Variants in AMZ1 observed in about 807,000 individuals in gnomAD.
AMZ1 encodes archaelysin family metallopeptidase 1.
A neutral mutation model predicts 29.9 loss-of-function variants in AMZ1; 39 were observed. The observed-to-expected ratio is 1.30, with a 90% CI of 1.01 to 1.70. AMZ1 has a LOEUF of 1.70. Among genes scored for constraint, AMZ1 ranks in the 40% most tolerant of loss-of-function variants. The probability of loss-of-function intolerance (pLI) is 0.00; values close to 1 mark genes in which losing one functional copy is unlikely to be tolerated. For missense variants in AMZ1, 1,041 were observed against 680.6 expected (o/e 1.53, Z -5.89); for synonymous variants, 458 against 304.0 (o/e 1.51, Z -5.27).
In AMZ1 at chr7:2,724,912, C is replaced by T. The variant is rs538560494; in HGVS notation, n.550+15096C>T. On this transcript the variant is annotated intron_variant and non_coding_transcript_variant, in intron 4 of 4. Coordinates refer to the AMZ1 transcript ENST00000489665. The stretch of plus-strand genomic sequence containing the variant: ...GAGCGATTCTCGTCCCCGCCACACC[C>T]GGATCCGCCAGGACAGAGAAGCCGG... Among the ~76,000 whole-genome samples the T allele has an allele frequency of 4.2e-3, 646 of 152,336 alleles. 7 individuals are homozygous for T. The highest frequency in any genetic ancestry group is 0.015 in the African/African-American group (617 of 41,570).
At chr7:2,735,719 A>G (rs1790136600) in intron 4 of AMZ1, among the ~76,000 whole-genome samples, 1 of 152,148 alleles carries the variant, frequency 6.6e-6, no homozygotes, top group Admixed American at 6.5e-5. Flanking sequence ...ATGCAGGAAA[A>G]CTTATCTGTG....
At chr7:2,749,884 A>G (rs79538422) in intron 4 of AMZ1, among the ~76,000 whole-genome samples, 2 of 152,172 alleles carry the variant, frequency 1.3e-5, no homozygotes, top group African/African-American at 4.8e-5. Context: ...AAAAAAGATA[A>G]AGAATGAGGT....
intron 4 of AMZ1, among the ~76,000 whole-genome samples, chr7:2,737,289 G>GTTTTTTTTTTTTT (rs11389467): frequency 2.4e-4 from 15 of 62,278 alleles, no homozygotes; most frequent in African/African-American, 5.5e-4. Context: ...TTTTTTTTTT[G>GTTTTTTTTTTTTT]TTTTTTTTTT....
At chr7:2,683,586 T>C (rs531169428), upstream of AMZ1, among the ~76,000 whole-genome samples, 16 of 152,190 alleles carry the variant, frequency 1.1e-4, no homozygotes, top group South Asian at 1.7e-3. Context: ...TACAGGTGCC[T>C]GCCACCACGC....
At chr7:2,725,987 C>A (rs140035335) in intron 4 of AMZ1, among the ~76,000 whole-genome samples, 208 of 152,340 alleles carry the variant, frequency 1.4e-3, no homozygotes, top group African/African-American at 4.7e-3. Flanking sequence ...CAAGGAAACA[C>A]CAGGATCCCA....
Position 2,743,550 on chromosome 7 carries a change from T to A in AMZ1, n.551-21162T>A, listed in dbSNP as rs144704575. On this transcript the variant is annotated intron_variant and non_coding_transcript_variant, in intron 4 of 4. Transcript: ENST00000489665. Reference sequence around the variant, plus strand: ...AAGATACACAAAATCTTATCAGAGGTCAGGGAGGATCCAAGATGGCCGAAT... The same window carrying A: ...AAGATACACAAAATCTTATCAGAGGACAGGGAGGATCCAAGATGGCCGAAT... Among the ~76,000 whole-genome samples, 696 of 152,098 alleles carry A rather than the reference T, an allele frequency of 4.6e-3. 8 individuals are homozygous for A. The highest frequency in any genetic ancestry group is 0.016 in the African/African-American group (656 of 41,472).
upstream of AMZ1, among the ~76,000 whole-genome samples, chr7:2,763,868 G>A (rs1368696695): frequency 6.6e-6 from 1 of 152,222 alleles, no homozygotes. Flanking sequence ...GGCAGAGAGC[G>A]AGGGAGACGG....
chr7:2,709,657 C>G lies in AMZ1; in HGVS notation c.789C>G (p.Leu263=). ...VQCCKVTCHE[L]CHLLGLGNCR... Reference sequence around the variant, plus strand: ...CCCCCCAGGTCACGTGCCACGAGCTCTGCCACCTTCTGGGCCTGGGGAACT... The same window carrying G: ...CCCCCCAGGTCACGTGCCACGAGCTGTGCCACCTTCTGGGCCTGGGGAACT... The change falls in exon 6 of 7, where the codon CTC becomes CTG. Residue 263 remains leucine, a synonymous_variant. Coordinates refer to ENST00000683327, the MANE Select transcript of AMZ1 (RefSeq NM_001384743.1). 1 of 1,609,804 alleles carries G rather than the reference C, an allele frequency of 6.2e-7. No individual in the cohort carries two copies. The highest frequency in any genetic ancestry group is 1.3e-5 in the African/African-American group (1 of 74,950).
In AMZ1 at chr7:2,712,608, G is replaced by T. The variant is rs1390762153; in HGVS notation, c.1227G>T (p.Arg409=). 2 of 1,612,708 alleles carry T rather than the reference G, an allele frequency of 1.2e-6. No individual in the cohort carries two copies. The highest frequency in any genetic ancestry group is 8.5e-7 in the Non-Finnish European group (1 of 1,179,810). The change falls in exon 7 of 7, where the codon CGG becomes CGT. Residue 409 remains arginine (R), a synonymous_variant. Coordinates refer to ENST00000683327, the MANE Select transcript of AMZ1 (RefSeq NM_001384743.1). ...CGGAGGCCATCAAGGAGCATGAACG[G>T]TGGCTGGCCATGTGCATCCAGGCCC... ...GPAEAIKEHE[R]WLAMCIQALQ...
chr7:2,725,538 G>A (rs1789582891), intron 4 of AMZ1, among the ~76,000 whole-genome samples: 1 of 152,250 alleles, frequency 6.6e-6, no homozygotes, highest in African/African-American at 2.4e-5. Context: ...AGCAGCAAGT[G>A]AATGAGAAGC....
At chr7:2,704,347 A>G (rs1421034522) in intron 3 of AMZ1, among the ~76,000 whole-genome samples, 1 of 152,182 alleles carries the variant, frequency 6.6e-6, no homozygotes, top group East Asian at 1.9e-4. Context: ...TGCAAAAAAT[A>G]TAAAAATAGC....
At position 2,731,048 on chromosome 7, in the gene AMZ1, A is replaced by T; in HGVS notation, n.550+21232A>T. 3.2e-6 allele frequency: 2 copies of T among 618,534 alleles called. No homozygotes were observed. The highest frequency in any genetic ancestry group is 5.6e-6 in the Non-Finnish European group (2 of 355,028). 38.3% of individuals were successfully genotyped at this position (618,534 alleles called of 1,614,324 possible). On this transcript the variant is annotated intron_variant and non_coding_transcript_variant, in intron 4 of 4. Transcript: ENST00000489665. This position sits in a 1 kb window ranked among gnomAD's most constrained non-coding sequence, Gnocchi z 6.0. ...CTCGCTGGCTGGCTGGTCTGACAGC[A>T]TTCCTGAGCCAGGTATTCCAGGGCA... is the stretch of plus-strand genomic sequence containing the variant.
At chr7:2,733,193 A>C (rs1789987188) in intron 4 of AMZ1, among the ~76,000 whole-genome samples, 1 of 152,198 alleles carries the variant, frequency 6.6e-6, no homozygotes, top group Admixed American at 6.5e-5. Context: ...AGATAAAGGA[A>C]GTCCTCCTTT....
intron 4 of AMZ1, among the ~76,000 whole-genome samples, chr7:2,751,797 C>T (rs1331540224): frequency 1.3e-5 from 2 of 152,176 alleles, no homozygotes; most frequent in Non-Finnish European, 2.9e-5. Flanking sequence ...AATTTAATTT[C>T]CCAAAACGGA....
intron 4 of AMZ1, among the ~76,000 whole-genome samples, chr7:2,742,868 G>T (rs1416234261): frequency 6.6e-6 from 1 of 152,168 alleles, no homozygotes; most frequent in Non-Finnish European, 1.5e-5. Flanking sequence ...ACTGATTTCT[G>T]TATATTGGCT....
Position 2,696,299 on chromosome 7 carries a change from C to T in AMZ1, c.-218-3935C>T, listed in dbSNP as rs370484252. 1.3e-4 allele frequency among the ~76,000 whole-genome samples: 20 copies of T among 149,240 alleles called. No individual in the cohort carries two copies. In the East Asian group the frequency reaches 3.1e-3, roughly 23 times the overall value. The stretch of plus-strand genomic sequence containing the variant: ...TGAGATGGAGTCTCGCTCTGTCACC[C>T]AGGCTGGAGTGCAGTGGTGCGATCT... On this transcript the variant is annotated intron_variant, in intron 1 of 6. Coordinates refer to ENST00000683327, the MANE Select transcript of AMZ1 (RefSeq NM_001384743.1).
chr7:2,751,114 C>T (rs968657977), intron 4 of AMZ1, among the ~76,000 whole-genome samples: 5 of 152,014 alleles, frequency 3.3e-5, no homozygotes, highest in Non-Finnish European at 5.9e-5. Flanking sequence ...AGGGCCGGGC[C>T]CGGGGGCACA....
intron 4 of AMZ1, among the ~76,000 whole-genome samples, chr7:2,726,407 G>T (rs115576782): frequency 0.021 from 3,137 of 152,204 alleles, 128 homozygotes; most frequent in African/African-American, 0.072. Context: ...CATCAGAACC[G>T]CCTGGGACAT....
chr7:2,716,777 C>T lies in AMZ1; in HGVS notation c.*3899C>T, dbSNP rs557885962. 2.4e-4 allele frequency among the ~76,000 whole-genome samples: 37 copies of T among 152,316 alleles called. No individual in the cohort carries two copies. Among genetic ancestry groups the T allele is most frequent in the Non-Finnish European group, 1.5e-5 (1 of 68,030 alleles). ...CAACTCCACCGCTTAAGGGGTCCTT[C>T]CTATGTAACGGAATTTTTTTACATC... On this transcript the variant is annotated 3_prime_UTR_variant, in exon 7 of 7. Coordinates refer to ENST00000683327, the MANE Select transcript of AMZ1 (RefSeq NM_001384743.1).
Sources: gnomAD v4.1 joint callset for allele counts (sites outside exome capture counted in the v4.1 genomes callset) on GRCh38, gnomAD v4.1.1 for gene constraint, Gnocchi (gnomAD v3.1) non-coding constraint, MANE v1.5 for transcripts, NCBI Gene and HGNC (gene_info 2026-07-23, HGNC 2026-07-21) for gene names.